Variants in TLL1 observed in about 807,000 individuals in gnomAD.
TLL1 encodes the protein tolloid like 1.
A neutral mutation model predicts 128.2 loss-of-function variants in TLL1; 49 were observed. The ratio of observed to expected loss-of-function variants is 0.38; its 90% confidence interval spans 0.30 to 0.48. TLL1 has a LOEUF of 0.48. TLL1 is among the 20% of genes least tolerant of loss of function. TLL1 has a pLI of 0.96. For missense variants in TLL1, 1,123 were observed against 1,242.0 expected, an observed-to-expected ratio of 0.90 and a Z score of 1.44; for synonymous variants, 454 against 418.8, an observed-to-expected ratio of 1.08 and a Z score of -1.03.
intron 1 of TLL1, among the ~76,000 whole-genome samples, chr4:165,921,341 CAAAG>C (rs949849408): frequency 7.2e-5 from 11 of 152,082 alleles, no homozygotes; most frequent in Admixed American, 2.6e-4. Flanking sequence ...AAGCAAGAAA[CAAAG>C]TAATTAATAT....
chr4:166,074,137 G>T (rs1020475068), intron 16 of TLL1, among the ~76,000 whole-genome samples: 2 of 151,924 alleles, frequency 1.3e-5, no homozygotes, highest in Admixed American at 1.3e-4. Flanking sequence ...TATTTCTTGG[G>T]GCTCGTATTT....
intron 1 of TLL1, among the ~76,000 whole-genome samples, chr4:165,986,801 A>G (rs1043457314): frequency 6.6e-6 from 1 of 152,016 alleles, no homozygotes; most frequent in Non-Finnish European, 1.5e-5. Flanking sequence ...ACTGCATATA[A>G]AAAGCCATTA....
intron 1 of TLL1, among the ~76,000 whole-genome samples, chr4:165,961,723 G>A (rs981834190): frequency 2.4e-4 from 36 of 152,078 alleles, no homozygotes; most frequent in Admixed American, 6.6e-5. Context: ...GAGGGGAAAG[G>A]ACACCTTATT....
intron 9 of TLL1, among the ~76,000 whole-genome samples, chr4:166,028,016 C>T (rs980490423): frequency 3.6e-4 from 54 of 152,068 alleles, no homozygotes; most frequent in African/African-American, 1.3e-3. Context: ...TATAAGAAGC[C>T]AGTGAACAAT....
chr4:166,063,941 C>T (rs552552817), intron 15 of TLL1, among the ~76,000 whole-genome samples: 6 of 151,198 alleles, frequency 4.0e-5, no homozygotes, highest in African/African-American at 9.7e-5. Context: ...CACGTGTATA[C>T]GTATGTAACA....
chr4:165,902,495 C>T (rs551399937), intron 1 of TLL1, among the ~76,000 whole-genome samples: 49 of 152,122 alleles, frequency 3.2e-4, no homozygotes, highest in African/African-American at 9.9e-4. Context: ...CACCGTTCCT[C>T]ACCTCATGGT....
At chr4:165,947,973 A>T (rs1446897367) in intron 1 of TLL1, among the ~76,000 whole-genome samples, 1 of 152,182 alleles carries the variant, frequency 6.6e-6, no homozygotes, top group Non-Finnish European at 1.5e-5. Context: ...ACTACTGATG[A>T]AACTCTTAGC....
intron 14 of TLL1, among the ~76,000 whole-genome samples, chr4:166,057,909 T>A (rs1279327792): frequency 6.6e-6 from 1 of 152,184 alleles, no homozygotes; most frequent in Non-Finnish European, 1.5e-5. Flanking sequence ...TCATTCAAGA[T>A]GAGATTTGGG....
At chr4:165,998,967 C>T (rs1393788931) in intron 5 of TLL1, among the ~76,000 whole-genome samples, 2 of 152,074 alleles carry the variant, frequency 1.3e-5, no homozygotes, top group Non-Finnish European at 2.9e-5. Context: ...TTCTTCTTTG[C>T]GAACAACAGA....
At chr4:166,060,851 G>C (rs1740276155) in intron 15 of TLL1, among the ~76,000 whole-genome samples, 1 of 152,132 alleles carries the variant, frequency 6.6e-6, no homozygotes, top group Non-Finnish European at 1.5e-5. Flanking sequence ...GGAACTTTTA[G>C]AAAAACATCC....
chr4:166,095,539 T>G (rs1741979617), intron 19 of TLL1, among the ~76,000 whole-genome samples: 1 of 152,072 alleles, frequency 6.6e-6, no homozygotes, highest in African/African-American at 2.4e-5. Context: ...TTCTGTAACA[T>G]AAAACATCAT....
intron 9 of TLL1, chr4:166,030,462 T>C: frequency 1.7e-6 from 1 of 605,116 alleles, no homozygotes; most frequent in Non-Finnish European, 3.0e-6. Flanking sequence ...GGTTGTATTT[T>C]CACTCTGTTG....
chr4:165,969,671 A>G (rs1579561566), intron 1 of TLL1, among the ~76,000 whole-genome samples: 1 of 152,226 alleles, frequency 6.6e-6, no homozygotes. Flanking sequence ...ATAACCTAAC[A>G]CACATTATTC....
At chr4:165,958,281 G>C (rs1333160084) in intron 1 of TLL1, among the ~76,000 whole-genome samples, 1 of 138,480 alleles carries the variant, frequency 7.2e-6, no homozygotes, top group Non-Finnish European at 1.5e-5. Flanking sequence ...CTGAGGAATC[G>C]CCACACTGAC....
chr4:166,007,838 G>T, intron 6 of TLL1, 105 bp from the exon 7 acceptor site: 2 of 768,150 alleles, frequency 2.6e-6, no homozygotes, highest in South Asian at 1.4e-5. Context: ...CGATCAGCAA[G>T]ATCAGTCATT....
At chr4:165,963,761 T>C (rs1735235229) in intron 1 of TLL1, among the ~76,000 whole-genome samples, 1 of 151,892 alleles carries the variant, frequency 6.6e-6, no homozygotes, top group Non-Finnish European at 1.5e-5. Context: ...GAAGAGAACA[T>C]GTTTCCACAG....
intron 1 of TLL1, among the ~76,000 whole-genome samples, chr4:165,909,141 C>T (rs545020738): frequency 1.8e-4 from 28 of 151,922 alleles, no homozygotes; most frequent in Non-Finnish European, 3.4e-4. Context: ...GAGCAGAGAT[C>T]GTGCCACTGC....
Position 165,936,400 on chromosome 4 carries a change from C to T in TLL1, c.170-52981C>T, listed in dbSNP as rs1236107129. 3.3e-5 allele frequency among the ~76,000 whole-genome samples: 5 copies of T among 150,738 alleles called. No homozygotes were observed. The South Asian group carries it at 8.3e-4, about 25-fold the overall frequency. On this transcript the variant is annotated intron_variant, in intron 1 of 20. Coordinates refer to ENST00000061240, the MANE Select transcript of TLL1 (RefSeq NM_012464.5). Reference sequence around the variant, plus strand: ...ATGTCTGGCTAATTTTTAATAGAGACGGAGTTTCGCCATGTTGGCCAGGCT... The same window carrying T: ...ATGTCTGGCTAATTTTTAATAGAGATGGAGTTTCGCCATGTTGGCCAGGCT...
chr4:165,906,198 G>A (rs1045903399), intron 1 of TLL1, among the ~76,000 whole-genome samples: 1 of 152,134 alleles, frequency 6.6e-6, no homozygotes, highest in Non-Finnish European at 1.5e-5. Context: ...CCTCTAGAAA[G>A]CCTGAAATAT....
Sources: gnomAD v4.1 joint callset for allele counts (sites outside exome capture counted in the v4.1 genomes callset) on GRCh38, gnomAD v4.1.1 for gene constraint, MANE v1.5 for transcripts, NCBI Gene and HGNC (gene_info 2026-07-23, HGNC 2026-07-21) for gene names.